PITX1: variants seen among roughly 807,000 people sequenced by gnomAD.
The protein encoded by PITX1 is pituitary homeobox 1.
PITX1 carries 5 observed loss-of-function variants against 24.1 expected under a neutral mutation model. The ratio of observed to expected loss-of-function variants is 0.21; its 90% CI spans 0.11 to 0.44. The LOEUF (loss-of-function observed/expected upper bound fraction) is 0.44, where lower values mean the gene tolerates loss of function less well. PITX1 is among the 20% of genes least tolerant of loss of function. The probability of loss-of-function intolerance (pLI) is 0.99; values close to 1 mark genes in which losing one functional copy is unlikely to be tolerated. For missense variants in PITX1, 401 were observed against 455.4 expected (o/e 0.88, Z 1.09); for synonymous variants, 213 against 208.9 (o/e 1.02, Z -0.17).
chr5:135,028,719 GC>G lies in PITX1; in HGVS notation c.*59del, dbSNP rs1218833340. ...AGCCGGGGCCCCGCGTGCGTCCTCC[GC>G]GCCCGCGCCCGCGCCCTTCCCCGCT... is the stretch of plus-strand genomic sequence containing the variant. On this transcript the variant is annotated 3_prime_UTR_variant, in exon 3 of 3. Transcript: ENST00000265340. 12 of 443,492 alleles carry G rather than the reference GC, an allele frequency of 2.7e-5. No homozygotes were observed. In the African/African-American group the frequency reaches 2.9e-3, roughly 108 times the overall value. 27.5% of individuals were successfully genotyped at this position (443,492 alleles called of 1,614,324 possible). A position where few individuals can be genotyped will look rare whatever the true frequency, so the allele number is the denominator to read the frequency against.
chr5:135,030,624 G>C (rs1307568302), intron 2 of PITX1, among the ~76,000 whole-genome samples: 4 of 152,204 alleles, frequency 2.6e-5, no homozygotes, highest in Non-Finnish European at 4.4e-5. Flanking sequence ...GTCTGAGATG[G>C]CATATCCTAA....
In PITX1 at chr5:135,033,229, C is replaced by G. The variant is rs966687787; in HGVS notation, c.169+484G>C. The G allele has an allele frequency of 1.5e-4, 45 of 306,096 alleles. No individual in the cohort carries two copies. The highest frequency in any genetic ancestry group is 2.5e-4 in the Non-Finnish European group (40 of 157,648). The allele number at this position is 306,096 out of a possible 1,614,324, so 19.0% of individuals were successfully genotyped here. On this transcript the variant is annotated intron_variant, in intron 1 of 2. Coordinates refer to ENST00000265340, the MANE Select transcript of PITX1 (RefSeq NM_002653.5). This position sits in a 1 kb window ranked among gnomAD's most constrained non-coding sequence, Gnocchi z 5.9. ...CTCCCTTCTACTTGATGACCCCTCTCCCCCCGTTTACCCTTCCCGCCCGCC... is the reference window on the plus strand; with the variant it reads ...CTCCCTTCTACTTGATGACCCCTCTGCCCCCGTTTACCCTTCCCGCCCGCC...
Position 135,033,939 on chromosome 5 carries a change from C to G in PITX1, c.-58G>C. 3 of 1,137,550 alleles carry G rather than the reference C, an allele frequency of 2.6e-6. No homozygotes were observed. The highest frequency in any genetic ancestry group is 3.4e-6 in the Non-Finnish European group (3 of 888,366). 70.5% of individuals were successfully genotyped at this position (1,137,550 alleles called of 1,614,324 possible). A position where few individuals can be genotyped will look rare whatever the true frequency, so the allele number is the denominator to read the frequency against. On this transcript the variant is annotated 5_prime_UTR_variant, in exon 1 of 3. Transcript: ENST00000265340. This position sits in a 1 kb window ranked among gnomAD's most constrained non-coding sequence, Gnocchi z 5.9. ...CCGGGGCTGGGCGCGCCCCGCCGCCCTGGCTGCGACCTGCGGGGACAAGAG... is the reference window on the plus strand; with the variant it reads ...CCGGGGCTGGGCGCGCCCCGCCGCCGTGGCTGCGACCTGCGGGGACAAGAG...
chr5:135,029,123 A>G lies in PITX1; in HGVS notation c.601T>C (p.Phe201Leu), dbSNP rs370544754. 4 of 1,614,132 alleles carry G rather than the reference A, an allele frequency of 2.5e-6. No individual in the cohort carries two copies. Among genetic ancestry groups the G allele is most frequent in the Non-Finnish European group, 3.4e-6 (4 of 1,180,054 alleles). The change falls in exon 3 of 3, where the codon TTC (phenylalanine) becomes CTC (leucine). Residue 201 changes from phenylalanine to leucine, a missense_variant. By Grantham distance (22) the Phe-to-Leu change is conservative. Around this residue, in one of 3 missense-constraint regions of PITX1, gnomAD observed 217 missense variants for 219.8 expected, o/e 0.99. Transcript: ENST00000265340. ...GACAGCGGGCTCATGGAGTTGAAGAAGGTGAAGCTCTTGGTGGAGAGCGGC... is the reference window on the plus strand; with the variant it reads ...GACAGCGGGCTCATGGAGTTGAAGAGGGTGAAGCTCTTGGTGGAGAGCGGC... ...PAPLSTKSFT[F>L]FNSMSPLSSQ... is the part of the protein sequence containing the mutation.
Position 135,033,066 on chromosome 5 carries a change from C to A in PITX1, c.169+647G>T, listed in dbSNP as rs1347237162. 5 of 444,512 alleles carry A rather than the reference C, an allele frequency of 1.1e-5. No homozygotes were observed. Among genetic ancestry groups the A allele is most frequent in the South Asian group, 6.3e-5 (4 of 63,318 alleles). 27.5% of individuals were successfully genotyped at this position (444,512 alleles called of 1,614,324 possible). A position where few individuals can be genotyped will look rare whatever the true frequency, so the allele number is the denominator to read the frequency against. On this transcript the variant is annotated intron_variant, in intron 1 of 2. Transcript: ENST00000265340. The surrounding 1 kb of genome is among the most constrained non-coding windows in gnomAD (Gnocchi z 5.9). ...CAGCGCGGAGGGAGACGCGCAGGAG[C>A]CGGGGCGGGGGCCAGAGCCGGGCTG...
Position 135,033,346 on chromosome 5 carries a change from C to T in PITX1, c.169+367G>A. ...TGAGTGCGTTCTCTCGCCCGTCACC[C>T]CTCTTCCTTTCTCGGTCTCCTCCTC... On this transcript the variant is annotated intron_variant, in intron 1 of 2. Transcript: ENST00000265340. This position sits in a 1 kb window ranked among gnomAD's most constrained non-coding sequence, Gnocchi z 5.9. The T allele has an allele frequency of 3.1e-6, 1 of 322,796 alleles. No individual in the cohort carries two copies. The highest frequency in any genetic ancestry group is 2.7e-5 in the South Asian group (1 of 36,664). 20.0% of individuals were successfully genotyped at this position (322,796 alleles called of 1,614,324 possible).
Position 135,028,908 on chromosome 5 carries a change from G to A in PITX1, c.816C>T (p.Ser272=). The change falls in exon 3 of 3, where the codon AGC becomes AGT. Residue 272 remains serine, a synonymous_variant. Coordinates refer to ENST00000265340, the MANE Select transcript of PITX1 (RefSeq NM_002653.5). ...TCGAGTTGCACGTGTCCCGGTAGAC[G>A]CTGTAGGGCGAGGCGGGAGTGCCGT... is the stretch of plus-strand genomic sequence containing the variant. ...CPYGTPASPY[S]VYRDTCNSSL... 1.2e-6 allele frequency: 2 copies of A among 1,613,892 alleles called. No homozygotes were observed. Among genetic ancestry groups the A allele is most frequent in the Non-Finnish European group, 1.7e-6 (2 of 1,179,954 alleles).
At position 135,028,777 on chromosome 5, in the gene PITX1, G is replaced by T. The variant is rs1174943925; in HGVS notation, c.*2C>A. 1.9e-6 allele frequency: 3 copies of T among 1,566,996 alleles called. No homozygotes were observed. Among genetic ancestry groups the T allele is most frequent in the Admixed American group, 1.8e-5 (1 of 56,860 alleles). On this transcript the variant is annotated 3_prime_UTR_variant, in exon 3 of 3. Transcript: ENST00000265340. ...GCCGGCCCGCGTGGTGCGGCGGGGC[G>T]GTCAGCTGTTGTACTGGCACGCGTT...
Position 135,029,075 on chromosome 5 carries a change from G to T in PITX1, c.649C>A (p.Pro217Thr). 6.2e-7 allele frequency: 1 copy of T among 1,614,250 alleles called. No homozygotes were observed. The highest frequency in any genetic ancestry group is 1.1e-5 in the South Asian group (1 of 91,088). ...ATGGTCATGGAGGAGATGGAGCTGGGTGCTGAGAACATGGACTGCGACGAC... is the reference window on the plus strand; with the variant it reads ...ATGGTCATGGAGGAGATGGAGCTGGTTGCTGAGAACATGGACTGCGACGAC... ...PLSSQSMFSA[P>T]SSISSMTMPS... is the part of the protein sequence containing the mutation. The change falls in exon 3 of 3, where the codon CCC becomes ACC. Residue 217 changes from proline (P) to threonine (T), a missense_variant. Physicochemically the swap from Pro to Thr is conservative, Grantham distance 38. Around this residue, in one of 3 missense-constraint regions of PITX1, gnomAD observed 217 missense variants for 219.8 expected, o/e 0.99. Transcript: ENST00000265340.
chr5:135,030,237 C>T (rs540204789), intron 2 of PITX1, among the ~76,000 whole-genome samples: 48 of 152,266 alleles, frequency 3.2e-4, no homozygotes, highest in Non-Finnish European at 5.3e-4. Context: ...AGTGGAGTTT[C>T]CTGAGCTAGT....
At chr5:135,030,596 A>C (rs1324142048) in intron 2 of PITX1, among the ~76,000 whole-genome samples, 1 of 152,130 alleles carries the variant, frequency 6.6e-6, no homozygotes. Flanking sequence ...GAAGAGGGAG[A>C]ATGCAGGCTG....
At chr5:135,032,664 G>A (rs1752475414) in intron 1 of PITX1, among the ~76,000 whole-genome samples, 1 of 143,018 alleles carries the variant, frequency 7.0e-6, no homozygotes, top group Admixed American at 6.9e-5. Context: ...CATCCTCATA[G>A]ATTTGGTTCA....
Position 135,028,992 on chromosome 5 carries a change from G to A in PITX1, c.732C>T (p.Asn244=), listed in dbSNP as rs771503278. 3.1e-6 allele frequency: 5 copies of A among 1,614,092 alleles called. No individual in the cohort carries two copies. Among genetic ancestry groups the A allele is most frequent in the Admixed American group, 3.3e-5 (2 of 60,018 alleles). Residue 244 remains asparagine, a synonymous_variant, in exon 3 of 3, where the codon AAC becomes AAT. Coordinates refer to ENST00000265340, the MANE Select transcript of PITX1 (RefSeq NM_002653.5). ...GCGAGGAGCCGGTGAGGTTGTTGAT[G>A]TTGTTGAGGCCCGAGTTGGGCATGC... The part of the protein sequence containing the change: ...VPGMPNSGLN[N]INNLTGSSLN...
chr5:135,031,534 G>A, intron 1 of PITX1, 26 bp from the exon 2 acceptor site: 9 of 1,577,654 alleles, frequency 5.7e-6, no homozygotes, highest in Non-Finnish European at 6.0e-6. Flanking sequence ...CGGGGAGCGG[G>A]TCACCTGGGC....
Position 135,030,939 on chromosome 5 carries a change from C to T in PITX1, c.402+337G>A, listed in dbSNP as rs533791992. On this transcript the variant is annotated intron_variant, in intron 2 of 2. Coordinates refer to ENST00000265340, the MANE Select transcript of PITX1 (RefSeq NM_002653.5). ...AGCGGCAGGGAATCCACTGCCCAGT[C>T]TCTGGCCCAGGGTATCCTGCTAACA... Among the ~76,000 whole-genome samples, 12 of 152,340 alleles carry T rather than the reference C, an allele frequency of 7.9e-5. No homozygotes were observed. In the East Asian group the frequency reaches 1.9e-3, roughly 24 times the overall value.
chr5:135,029,462 G>T (rs1192003103), intron 2 of PITX1, 141 bp from the exon 3 acceptor site: 2 of 659,082 alleles, frequency 3.0e-6, no homozygotes, highest in African/African-American at 1.8e-5. Flanking sequence ...TTCCGCTCCT[G>T]CATTCCCTCC....
At chr5:135,031,819 A>G (rs1243259744) in intron 1 of PITX1, 1 of 500,768 alleles carries the variant, frequency 2.0e-6, no homozygotes, top group African/African-American at 1.9e-5. Context: ...GTTCCCAGCA[A>G]ATGTATGCTT....
At chr5:135,034,423 C>A, upstream of PITX1, 1 of 152,290 alleles carries the variant, frequency 6.6e-6, no homozygotes, top group South Asian at 1.8e-4. Flanking sequence ...CGCGCCCTCC[C>A]CCTCCGCAGC....
chr5:135,032,543 G>A (rs1270029264), intron 1 of PITX1, among the ~76,000 whole-genome samples: 1 of 152,158 alleles, frequency 6.6e-6, no homozygotes. Context: ...ATTTTGGATT[G>A]ACTTTTTAAA....
Sources: gnomAD v4.1 joint callset for allele counts (sites outside exome capture counted in the v4.1 genomes callset) on GRCh38, gnomAD v4.1.1 for gene constraint, gnomAD v4.1.1 regional missense constraint, Gnocchi (gnomAD v3.1) non-coding constraint, MANE v1.5 for transcripts, NCBI Gene and HGNC (gene_info 2026-07-23, HGNC 2026-07-21) for gene names.